Variants in GALNTL6 observed in about 807,000 individuals in gnomAD.
GALNTL6 encodes the protein polypeptide N-acetylgalactosaminyltransferase-like 6.
A neutral mutation model predicts 73.7 loss-of-function variants in GALNTL6; 46 were observed. That is an observed-to-expected ratio of 0.62 (90% confidence interval 0.49 to 0.80). GALNTL6 has a LOEUF of 0.80. GALNTL6 is among the 30% of genes least tolerant of loss of function. GALNTL6 has a pLI of 0.00. For synonymous variants in GALNTL6, 259 were observed against 263.7 expected (o/e 0.98, Z 0.17); for missense variants, 604 against 755.0 (o/e 0.80, Z 2.34).
intron 10 of GALNTL6, among the ~76,000 whole-genome samples, chr4:172,974,177 A>G (rs1283649124): frequency 1.3e-5 from 2 of 152,228 alleles, no homozygotes; most frequent in Admixed American, 1.3e-4. Context: ...TTGAAATGGC[A>G]TAGTGCCACA....
At chr4:172,303,954 C>T (rs1242157878) in intron 3 of GALNTL6, among the ~76,000 whole-genome samples, 1 of 152,158 alleles carries the variant, frequency 6.6e-6, no homozygotes, top group Non-Finnish European at 1.5e-5. Flanking sequence ...ATTCATTTCT[C>T]CATTCATTTC....
intron 2 of GALNTL6, among the ~76,000 whole-genome samples, chr4:172,042,937 A>C (rs2110843322): frequency 6.6e-6 from 1 of 151,950 alleles, no homozygotes; most frequent in African/African-American, 2.4e-5. Flanking sequence ...TTCAATAGAA[A>C]ACAATTTAAA....
chr4:172,674,203 A>G (rs960900199), intron 5 of GALNTL6, among the ~76,000 whole-genome samples: 3 of 151,960 alleles, frequency 2.0e-5, no homozygotes, highest in Admixed American at 2.0e-4. Context: ...AAAAGGATCT[A>G]TTTCTCCTTT....
At chr4:172,268,351 G>A (rs1424286564) in intron 3 of GALNTL6, among the ~76,000 whole-genome samples, 2 of 152,188 alleles carry the variant, frequency 1.3e-5, no homozygotes, top group Non-Finnish European at 1.5e-5. Context: ...ATTGGGAAGA[G>A]CAGAAAGTTG....
chr4:172,298,003 T>C (rs1446379604), intron 3 of GALNTL6, among the ~76,000 whole-genome samples: 3 of 152,220 alleles, frequency 2.0e-5, no homozygotes, highest in African/African-American at 7.2e-5. Context: ...GTTCTTCCAT[T>C]TGTTTATATC....
chr4:172,047,073 T>C (rs1342710710), intron 2 of GALNTL6, among the ~76,000 whole-genome samples: 1 of 152,170 alleles, frequency 6.6e-6, no homozygotes, highest in Admixed American at 6.6e-5. Context: ...GAGAAAATGA[T>C]TGGTTATTGA....
chr4:171,854,886 A>C (rs1440118614), intron 2 of GALNTL6, among the ~76,000 whole-genome samples: 1 of 152,180 alleles, frequency 6.6e-6, no homozygotes, highest in Non-Finnish European at 1.5e-5. Context: ...AATTTTGCAG[A>C]CATACCCTTT....
At chr4:172,263,678 GTCTT>G (rs1264006582) in intron 3 of GALNTL6, among the ~76,000 whole-genome samples, 4 of 151,248 alleles carry the variant, frequency 2.6e-5, no homozygotes, top group African/African-American at 2.4e-5. Flanking sequence ...TCTATATATA[GTCTT>G]TCTTTCTCAC....
At chr4:172,940,763 T>A (rs543687304) in intron 9 of GALNTL6, among the ~76,000 whole-genome samples, 1 of 151,782 alleles carries the variant, frequency 6.6e-6, no homozygotes, top group African/African-American at 2.4e-5. Flanking sequence ...AACCTGGAAC[T>A]CCCAAGCTCA....
At chr4:172,671,583 A>G (rs2111206037) in intron 5 of GALNTL6, among the ~76,000 whole-genome samples, 1 of 152,302 alleles carries the variant, frequency 6.6e-6, no homozygotes, top group East Asian at 1.9e-4. Flanking sequence ...GGTTTTCTAG[A>G]TACAAGATTA....
chr4:172,195,430 T>C (rs1735731028), intron 2 of GALNTL6, among the ~76,000 whole-genome samples: 2 of 152,158 alleles, frequency 1.3e-5, no homozygotes, highest in African/African-American at 2.4e-5. Flanking sequence ...CTGGATCAAA[T>C]AGACCTGATA....
chr4:172,573,443 A>G (rs1164858113), intron 5 of GALNTL6, among the ~76,000 whole-genome samples: 1 of 152,182 alleles, frequency 6.6e-6, no homozygotes, highest in African/African-American at 2.4e-5. Flanking sequence ...TAAAAAATAG[A>G]ATCATATTTC....
intron 7 of GALNTL6, among the ~76,000 whole-genome samples, chr4:172,840,575 T>A (rs1403824573): frequency 6.6e-6 from 1 of 152,198 alleles, no homozygotes; most frequent in Admixed American, 6.5e-5. Flanking sequence ...ACAGCTAATG[T>A]GCAAGGCCAC....
At chr4:172,449,976 T>C (rs1732152744) in intron 5 of GALNTL6, among the ~76,000 whole-genome samples, 1 of 152,132 alleles carries the variant, frequency 6.6e-6, no homozygotes, top group Non-Finnish European at 1.5e-5. Flanking sequence ...CCCAGCACTT[T>C]GGGAGGCCGA....
intron 2 of GALNTL6, among the ~76,000 whole-genome samples, chr4:171,838,211 T>C (rs1396352450): frequency 1.3e-5 from 2 of 151,870 alleles, no homozygotes; most frequent in Non-Finnish European, 2.9e-5. Flanking sequence ...GCAACCTCTG[T>C]CTCCCAGGTT....
At chr4:171,907,581 A>G (rs538526178) in intron 2 of GALNTL6, among the ~76,000 whole-genome samples, 169 of 152,194 alleles carry the variant, frequency 1.1e-3, no homozygotes, top group Non-Finnish European at 2.2e-3. Context: ...AAGGTAATTT[A>G]CAGATTCAAT....
At chr4:172,414,011 G>A (rs965155912) in intron 5 of GALNTL6, among the ~76,000 whole-genome samples, 5 of 151,992 alleles carry the variant, frequency 3.3e-5, no homozygotes, top group Admixed American at 6.6e-5. Flanking sequence ...AGGGAAGTTC[G>A]GTATCTTCAA....
intron 2 of GALNTL6, among the ~76,000 whole-genome samples, chr4:172,123,500 AT>A (rs67067629): frequency 3.6e-4 from 42 of 115,434 alleles, no homozygotes; most frequent in African/African-American, 1.1e-3. Context: ...AAAAGTCATA[AT>A]TTTTTTTTTT....
At chr4:172,336,583 A>G (rs557230648) in intron 4 of GALNTL6, among the ~76,000 whole-genome samples, 50 of 151,720 alleles carry the variant, frequency 3.3e-4, no homozygotes, top group Non-Finnish European at 2.7e-4. Context: ...CTAGATTTCT[A>G]TTTTTATTCC....
Sources: gnomAD v4.1 joint callset for allele counts (sites outside exome capture counted in the v4.1 genomes callset) on GRCh38, gnomAD v4.1.1 for gene constraint, MANE v1.5 for transcripts, NCBI Gene and HGNC (gene_info 2026-07-23, HGNC 2026-07-21) for gene names.